The following COL25A1 variants were observed in gnomAD, a reference collection of about 807,000 sequenced individuals.
COL25A1 encodes collagen type XXV alpha 1 chain.
COL25A1 carries 103 observed loss-of-function variants against 128.4 expected under a neutral mutation model. That is an observed-to-expected ratio of 0.80 (90% CI 0.68 to 0.94). The LOEUF is 0.94. Ranked by LOEUF, COL25A1 falls within the 40% of genes least tolerant of loss-of-function variation. The pLI, the probability that COL25A1 is intolerant of heterozygous loss-of-function variation, is 0.00. For missense variants in COL25A1, 745 were observed against 840.0 expected, an observed-to-expected ratio of 0.89 and a Z score of 1.40; for synonymous variants, 279 against 277.2, an observed-to-expected ratio of 1.01 and a Z score of -0.06.
intron 3 of COL25A1, among the ~76,000 whole-genome samples, chr4:109,266,866 A>C (rs1475456826): frequency 1.3e-5 from 2 of 152,154 alleles, no homozygotes; most frequent in Non-Finnish European, 2.9e-5. Context: ...AGCCTTTGCT[A>C]TTGCACTCCA....
intron 3 of COL25A1, among the ~76,000 whole-genome samples, chr4:109,257,845 T>C (rs1195794603): frequency 2.0e-5 from 3 of 152,096 alleles, no homozygotes. Context: ...AGAAAAGAAC[T>C]GTGAAGGAGG....
At chr4:108,856,736 C>T (rs909888756) in intron 24 of COL25A1, among the ~76,000 whole-genome samples, 6 of 152,096 alleles carry the variant, frequency 3.9e-5, no homozygotes, top group Admixed American at 2.6e-4. Context: ...GTTTAGTAGT[C>T]ATATACAATT....
intron 8 of COL25A1, among the ~76,000 whole-genome samples, chr4:108,966,926 AAGAG>A (rs1276067710): frequency 2.7e-5 from 4 of 150,788 alleles, no homozygotes; most frequent in South Asian, 2.1e-4. Flanking sequence ...AAGAGAGAAA[AAGAG>A]AGAAAGAAAG....
rs1321305599 is a variant in COL25A1, at chr4:108,812,206, T to C, written c.*1721A>G. ...AGTTTGAGCAAGTAGATGAAAAATA[T>C]TTTCTTTATGGCAACTATATTTCAC... is the stretch of plus-strand genomic sequence containing the variant. On this transcript the variant is annotated 3_prime_UTR_variant, in exon 38 of 38. Transcript: ENST00000399132. 1.3e-5 allele frequency: 2 copies of C among 152,200 alleles called. No homozygotes were observed. Among genetic ancestry groups the C allele is most frequent in the African/African-American group, 2.4e-5 (1 of 41,454 alleles). 9.4% of individuals were successfully genotyped at this position (152,200 alleles called of 1,614,324 possible). A position where few individuals can be genotyped will look rare whatever the true frequency, so the allele number is the denominator to read the frequency against.
intron 8 of COL25A1, among the ~76,000 whole-genome samples, chr4:108,960,050 A>G (rs1034327727): frequency 1.3e-5 from 2 of 152,172 alleles, no homozygotes; most frequent in Admixed American, 6.5e-5. Context: ...CAGCAAAAAT[A>G]GAATGGCTTC....
chr4:109,065,541 C>CGTGT (rs1368660730), intron 3 of COL25A1, among the ~76,000 whole-genome samples: 22 of 133,556 alleles, frequency 1.6e-4, no homozygotes, highest in African/African-American at 6.0e-4. Flanking sequence ...CACGCGCGCG[C>CGTGT]GCGCGTGTGT....
intron 3 of COL25A1, among the ~76,000 whole-genome samples, chr4:109,279,091 T>C (rs1028784017): frequency 6.6e-6 from 1 of 151,942 alleles, no homozygotes; most frequent in Non-Finnish European, 1.5e-5. Flanking sequence ...TGGAGATTCA[T>C]TTTTAACATA....
rs572885310 is a variant in COL25A1 at position 108,842,790 on chromosome 4, A to G, written c.1630-1069T>C. ...CCTTCTATCTTATAGTAGAGGGAGT[A>G]TTTTTAAAAAGCCAAAAGTATGCCA... On this transcript the variant is annotated intron_variant, in intron 30 of 37. Coordinates refer to ENST00000399132, the MANE Select transcript of COL25A1 (RefSeq NM_198721.4). Among the ~76,000 whole-genome samples, 12 of 152,222 alleles carry G rather than the reference A, an allele frequency of 7.9e-5. No individual in the cohort carries two copies. The Middle Eastern group carries it at 0.01, about 129-fold the overall frequency.
At chr4:109,039,073 GCCACCTAAATCCA>G (rs1010076377) in intron 5 of COL25A1, among the ~76,000 whole-genome samples, 5 of 151,924 alleles carry the variant, frequency 3.3e-5, no homozygotes, top group African/African-American at 1.2e-4. Flanking sequence ...ACTCATTAAT[GCCACCTAAATCCA>G]CCCCAGTCTC....
rs549803921 is a variant in COL25A1 at position 109,214,425 on chromosome 4, C to T, written c.367+86158G>A. On this transcript the variant is annotated intron_variant, in intron 3 of 37. Transcript: ENST00000399132. ...TGGGAGTAGTCACCAAGTCAATCTA[C>T]ATTGTTTATGTACAGTAACACTAAG... Among the ~76,000 whole-genome samples, 15 of 152,176 alleles carry T rather than the reference C, an allele frequency of 9.9e-5. No individual in the cohort carries two copies. In the South Asian group the frequency reaches 2.7e-3, roughly 27 times the overall value.
At chr4:108,841,785 A>G in intron 30 of COL25A1, 64 bp from the exon 31 acceptor site, 2 of 1,222,400 alleles carry the variant, frequency 1.6e-6, no homozygotes, top group Non-Finnish European at 2.4e-6. Context: ...AAGAGTGAAT[A>G]TTATATCACA....
chr4:109,012,057 G>A lies in COL25A1; in HGVS notation c.421-1682C>T, dbSNP rs924011446. ...TTATAGGGTCTCACTCTGTTGCCCA[G>A]GCAGGAGTGTAGTGGCACAATCATG... is the stretch of plus-strand genomic sequence containing the variant. On this transcript the variant is annotated intron_variant, in intron 5 of 37. Transcript: ENST00000399132. 2.0e-5 allele frequency among the ~76,000 whole-genome samples: 3 copies of A among 152,206 alleles called. No individual in the cohort carries two copies. In the East Asian group the frequency reaches 5.8e-4, roughly 29 times the overall value.
chr4:109,048,449 T>A (rs114948905), intron 4 of COL25A1, among the ~76,000 whole-genome samples: 2,442 of 152,312 alleles, frequency 0.016, 65 homozygotes, highest in African/African-American at 0.056. Flanking sequence ...GATGTTCATA[T>A]ATCTTAAGTA....
Position 109,141,670 on chromosome 4 carries a change from A to G in COL25A1, c.368-91491T>C, listed in dbSNP as rs143986256. On this transcript the variant is annotated intron_variant, in intron 3 of 37. Transcript: ENST00000399132. The stretch of plus-strand genomic sequence containing the variant: ...TCCTGGTTTAGTCTTGGAAGGGTGT[A>G]TGTGTCCAGGAATTTATCCATTTCT... Among the ~76,000 whole-genome samples, 1,175 of 152,244 alleles carry G rather than the reference A, an allele frequency of 7.7e-3. 7 individuals carry two copies. The highest frequency in any genetic ancestry group is 0.027 in the African/African-American group (1,127 of 41,530).
At chr4:109,019,222 T>TC (rs1757474254) in intron 5 of COL25A1, among the ~76,000 whole-genome samples, 1 of 151,780 alleles carries the variant, frequency 6.6e-6, no homozygotes, top group African/African-American at 2.4e-5. Context: ...AATATCAGAC[T>TC]CCAAGTTCTT....
At chr4:109,242,897 G>T (rs913414406) in intron 3 of COL25A1, among the ~76,000 whole-genome samples, 4 of 151,950 alleles carry the variant, frequency 2.6e-5, no homozygotes, top group African/African-American at 9.7e-5. Context: ...TAGGTATCTT[G>T]TGTGTGTATA....
chr4:109,000,743 CAAAAAAAAAA>C (rs1180104512), intron 6 of COL25A1, among the ~76,000 whole-genome samples: 1 of 36,428 alleles, frequency 2.7e-5, no homozygotes, highest in African/African-American at 1.7e-4. Context: ...GAGACTCTGT[CAAAAAAAAAA>C]AAAAAAAAAA....
chr4:109,150,986 T>C (rs1578295968), intron 3 of COL25A1, among the ~76,000 whole-genome samples: 1 of 152,248 alleles, frequency 6.6e-6, no homozygotes, highest in African/African-American at 2.4e-5. Context: ...GGACTTTTAT[T>C]TTGGTTAGTT....
intron 31 of COL25A1, among the ~76,000 whole-genome samples, chr4:108,835,932 C>T (rs1474331976): frequency 1.6e-5 from 2 of 127,956 alleles, no homozygotes; most frequent in Non-Finnish European, 3.1e-5. Flanking sequence ...AGTGCAGTGG[C>T]GCGATCTCAG....
Sources: gnomAD v4.1 joint callset for allele counts (sites outside exome capture counted in the v4.1 genomes callset) on GRCh38, gnomAD v4.1.1 for gene constraint, MANE v1.5 for transcripts, NCBI Gene and HGNC (gene_info 2026-07-23, HGNC 2026-07-21) for gene names.